The following COL6A3 variants were observed in gnomAD, a reference collection of about 807,000 sequenced individuals.
The protein encoded by COL6A3 is collagen type VI alpha 3 chain.
In COL6A3, 137 loss-of-function variants were observed where a neutral mutation model predicts 274.1. That is an observed-to-expected ratio of 0.50 (90% CI 0.44 to 0.58). The LOEUF (loss-of-function observed/expected upper bound fraction) is 0.58. Ranked by LOEUF, COL6A3 falls within the 20% of genes least tolerant of loss-of-function variation. COL6A3 has a pLI of 0.00. For synonymous variants in COL6A3, 1,650 were observed against 1,650.6 expected (o/e 1.00, Z 0.01); for missense variants, 3,950 against 4,124.9 (o/e 0.96, Z 1.16).
chr2:237,348,937 T>G (rs2077150982), intron 28 of COL6A3, among the ~76,000 whole-genome samples: 1 of 152,202 alleles, frequency 6.6e-6, no homozygotes, highest in Non-Finnish European at 1.5e-5. Flanking sequence ...TGGTAAAGAT[T>G]CTGTTTGGAT....
At chr2:237,385,183 T>C (rs564974793) in intron 4 of COL6A3, among the ~76,000 whole-genome samples, 34 of 152,268 alleles carry the variant, frequency 2.2e-4, no homozygotes, top group African/African-American at 7.9e-4. Context: ...TAGTTTATAT[T>C]ATTATTGTCT....
In COL6A3 at chr2:237,374,771, T is replaced by A. The variant is rs763889813; in HGVS notation, c.3320A>T (p.Asn1107Ile). The A allele has an allele frequency of 2.5e-6, 4 of 1,613,940 alleles. No homozygotes were observed. The East Asian group carries it at 8.9e-5, about 36-fold the overall frequency. ...QLTLLGGPTP[N>I]TGAALEFVLR... ...GACAAACTCCAGGGCGGCCCCGGTG[T>A]TGGGGGTCGGCCCTCCCAGCAGGGT... Residue 1107 changes from asparagine to isoleucine, a missense_variant, in exon 8 of 44, where the codon AAC (asparagine) becomes ATC (isoleucine). By Grantham distance (149) the Asn-to-Ile change is moderately radical. Coordinates refer to ENST00000295550, the MANE Select transcript of COL6A3 (RefSeq NM_004369.4). This position sits in a 1 kb window ranked among gnomAD's most constrained non-coding sequence, Gnocchi z 4.8.
intron 3 of COL6A3, among the ~76,000 whole-genome samples, chr2:237,390,480 G>A (rs956599938): frequency 8.5e-5 from 13 of 152,158 alleles, no homozygotes; most frequent in African/African-American, 3.1e-4. Context: ...ACAGCAAGGC[G>A]GACCAATGAC....
chr2:237,407,070 T>G lies in COL6A3; in HGVS notation c.-31+6883A>C, dbSNP rs905437787. Among the ~76,000 whole-genome samples, 4 of 151,972 alleles carry G rather than the reference T, an allele frequency of 2.6e-5. No individual in the cohort carries two copies. Among genetic ancestry groups the G allele is most frequent in the African/African-American group, 9.7e-5 (4 of 41,354 alleles). ...GACTACAGGTGTGCGCCACCACGCCTGGCTAATTTTTTTTGAATTTTGGTA... is the reference window on the plus strand; with the variant it reads ...GACTACAGGTGTGCGCCACCACGCCGGGCTAATTTTTTTTGAATTTTGGTA... On this transcript the variant is annotated intron_variant, in intron 1 of 43. Transcript: ENST00000295550. This position sits in a 1 kb window ranked among gnomAD's most constrained non-coding sequence, Gnocchi z 4.3.
At position 237,334,856 on chromosome 2, in the gene COL6A3, A is replaced by G. The variant is rs1476206204; in HGVS notation, c.8999T>C (p.Ile3000Thr). 6.2e-7 allele frequency: 1 copy of G among 1,614,084 alleles called. No individual in the cohort carries two copies. The highest frequency in any genetic ancestry group is 1.3e-5 in the African/African-American group (1 of 74,924). The part of the protein sequence containing the change: ...KMSREVQVFE[I>T]TENSAKLHWE... Reference sequence around the variant, plus strand: ...GTGGAGTTTGGCGCTGTTCTCTGTTATCTCAAACACCTGGACTTCACGGGA... The same window carrying G: ...GTGGAGTTTGGCGCTGTTCTCTGTTGTCTCAAACACCTGGACTTCACGGGA... Residue 3000 changes from isoleucine to threonine, a missense_variant, in exon 41 of 44, where the codon ATA becomes ACA. Physicochemically the swap from Ile to Thr is moderately conservative, Grantham distance 89. This residue lies in a region of COL6A3 where 1,284 missense variants were observed against 1,349.7 expected (regional missense o/e 0.95). Coordinates refer to ENST00000295550, the MANE Select transcript of COL6A3 (RefSeq NM_004369.4).
chr2:237,391,988 G>T (rs1414718283), intron 3 of COL6A3, among the ~76,000 whole-genome samples: 1 of 152,152 alleles, frequency 6.6e-6, no homozygotes, highest in African/African-American at 2.4e-5. Context: ...GAGACACCCA[G>T]CTTTTCCTGT....
intron 11 of COL6A3, 82 bp from the exon 12 acceptor site, chr2:237,366,117 C>A: frequency 8.0e-7 from 1 of 1,255,600 alleles, no homozygotes; most frequent in Non-Finnish European, 1.2e-6. Context: ...TAGGGACAAC[C>A]CAGGCAGAGG....
intron 1 of COL6A3, among the ~76,000 whole-genome samples, chr2:237,401,845 C>T (rs979804531): frequency 6.6e-6 from 1 of 151,982 alleles, no homozygotes; most frequent in Non-Finnish European, 1.5e-5. Flanking sequence ...CCACCCCACC[C>T]AGCTAAGCTT....
intron 30 of COL6A3, 74 bp downstream of exon 30, chr2:237,348,275 T>C (rs1055158602): frequency 4.0e-6 from 5 of 1,265,712 alleles, no homozygotes; most frequent in African/African-American, 1.5e-5. Flanking sequence ...CAAGATATTC[T>C]GATTCTCAGT....
At position 237,344,155 on chromosome 2, in the gene COL6A3, T is replaced by C. The variant is rs2077049390; in HGVS notation, c.7668+195A>G. 7.8e-6 allele frequency: 6 copies of C among 771,662 alleles called. No homozygotes were observed. The highest frequency in any genetic ancestry group is 1.3e-5 in the Non-Finnish European group (6 of 444,588). 47.8% of individuals were successfully genotyped at this position (771,662 alleles called of 1,614,324 possible). A position where few individuals can be genotyped will look rare whatever the true frequency, so the allele number is the denominator to read the frequency against. ...ACCTGGGGGCAGTGCTACAAGCATG[T>C]AGGCGTCCCTGTAGTGCTGGAGCCA... On this transcript the variant is annotated intron_variant, in intron 36 of 43. Coordinates refer to ENST00000295550, the MANE Select transcript of COL6A3 (RefSeq NM_004369.4). This position sits in a 1 kb window ranked among gnomAD's most constrained non-coding sequence, Gnocchi z 4.8.
intron 14 of COL6A3, among the ~76,000 whole-genome samples, chr2:237,362,867 CAT>C (rs1237369011): frequency 1.3e-5 from 2 of 152,198 alleles, no homozygotes; most frequent in Non-Finnish European, 2.9e-5. Flanking sequence ...TCTTTTCCTG[CAT>C]GTTGTTTTTA....
At position 237,388,182 on chromosome 2, in the gene COL6A3, G is replaced by A. The variant is rs1264775417; in HGVS notation, c.712C>T (p.Gln238Ter). 1 of 1,613,972 alleles carries A rather than the reference G, an allele frequency of 6.2e-7. No homozygotes were observed. Among genetic ancestry groups the A allele is most frequent in the East Asian group, 2.2e-5 (1 of 44,882 alleles). Residue 238 changes from glutamine (Q) to a stop codon, truncating the protein, a stop_gained and splice_region_variant, in exon 4 of 44, where the codon CAA (glutamine) becomes TAA (stop). Coordinates refer to ENST00000295550, the MANE Select transcript of COL6A3 (RefSeq NM_004369.4). LOFTEE classifies it high-confidence loss of function. Reference protein sequence around the residue: ...DTETLKDITAQDSADIIFLID... With the variant: ...DTETLKDITA The stretch of plus-strand genomic sequence containing the variant: ...AGGAAAATAATGTCAGCAGAGTCTT[G>A]TGCTTTAAAAGAAAGAAATGCAAAA...
chr2:237,385,859 C>G (rs1413793379), intron 4 of COL6A3, among the ~76,000 whole-genome samples: 2 of 152,192 alleles, frequency 1.3e-5, no homozygotes, highest in African/African-American at 4.8e-5. Context: ...TCTAGTCTCT[C>G]TATTAGCTCA....
chr2:237,364,252 T>G lies in COL6A3; in HGVS notation c.5917+98A>C. On this transcript the variant is annotated intron_variant, in intron 13 of 43. Transcript: ENST00000295550. This position sits in a 1 kb window ranked among gnomAD's most constrained non-coding sequence, Gnocchi z 4.6. ...GTCTCCCAAGACAACGCTGCTCCCT[T>G]GGGGCGCTGCATTAGCAGAGAGGTT... 1.1e-6 allele frequency: 1 copy of G among 948,536 alleles called. No homozygotes were observed. The highest frequency in any genetic ancestry group is 1.3e-5 in the South Asian group (1 of 77,240). The allele number at this position is 948,536 out of a possible 1,614,324, so 58.8% of individuals were successfully genotyped here.
intron 1 of COL6A3, among the ~76,000 whole-genome samples, chr2:237,408,192 A>T (rs1270924881): frequency 6.9e-6 from 1 of 145,866 alleles, no homozygotes; most frequent in African/African-American, 2.8e-5. Context: ...ACATCTGATA[A>T]AATATCATCC....
rs147231661 is a variant in COL6A3, at chr2:237,367,103, T to C, written c.5084A>G (p.Asp1695Gly). The C allele has an allele frequency of 3.1e-6, 5 of 1,614,060 alleles. No individual in the cohort carries two copies. The highest frequency in any genetic ancestry group is 1.1e-5 in the South Asian group (1 of 91,070). ...SDPTDEFFLK[D>G]FSTKRQIIDA... ...AATAATCTGCCTCTTGGTAGAGAAG[T>C]CCTTCAGGAAGAATTCGTCAGTGGG... The change falls in exon 11 of 44, where the codon GAC becomes GGC. Residue 1695 changes from aspartate to glycine, a missense_variant. Around this residue, in one of 5 missense-constraint regions of COL6A3, gnomAD observed 632 missense variants for 623.4 expected, o/e 1.01. Transcript: ENST00000295550.
At position 237,325,650 on chromosome 2, in the gene COL6A3, T is replaced by C. The variant is rs1189665474; in HGVS notation, c.9403A>G (p.Lys3135Glu). Residue 3135 changes from lysine (K) to glutamate (E), a missense_variant, in exon 43 of 44, where the codon AAA becomes GAA. Coordinates refer to ENST00000295550, the MANE Select transcript of COL6A3 (RefSeq NM_004369.4). ...ILKWYYDPNT[K>E]SCARFWYGGC... is the part of the protein sequence containing the mutation. The stretch of plus-strand genomic sequence containing the variant: ...CCATACCAGAATCTTGCACAGCTTT[T>C]GGTGTTTGGATCATAGTACCATTTT... 1.9e-6 allele frequency: 3 copies of C among 1,614,206 alleles called. No individual in the cohort carries two copies. The African/African-American group carries it at 4.0e-5, about 22-fold the overall frequency.
intron 32 of COL6A3, among the ~76,000 whole-genome samples, chr2:237,346,280 A>C (rs1191588675): frequency 6.6e-6 from 1 of 152,240 alleles, no homozygotes; most frequent in Non-Finnish European, 1.5e-5. Flanking sequence ...TACTCCCTAG[A>C]TGACAGGATA....
chr2:237,390,328 T>C (rs745981816), intron 3 of COL6A3, among the ~76,000 whole-genome samples: 4 of 152,232 alleles, frequency 2.6e-5, no homozygotes, highest in Non-Finnish European at 5.9e-5. Context: ...TGGCCAGTCA[T>C]AGAAACACGT....
Sources: allele counts gnomAD v4.1 joint callset (sites outside exome capture counted in the v4.1 genomes callset), GRCh38; gene constraint gnomAD v4.1.1; regional missense constraint gnomAD v4.1.1; non-coding constraint Gnocchi (gnomAD v3.1); transcripts MANE v1.5; gene names NCBI Gene and HGNC (gene_info 2026-07-23, HGNC 2026-07-21).